The following SPMIP7 variants were observed in gnomAD, a reference collection of about 807,000 sequenced individuals.
The protein encoded by SPMIP7 is sperm microtubule inner protein 7, also known as protein SPMIP7.
chr7:50,123,926 C>T, the SPMIP7 span, among the ~76,000 whole-genome samples: 2 of 151,840 alleles, frequency 1.3e-5, no homozygotes, highest in Admixed American at 6.6e-5. Flanking sequence ...CTAAACATTC[C>T]AATTATAAGG....
the SPMIP7 span, among the ~76,000 whole-genome samples, chr7:50,138,682 T>C: frequency 1.3e-5 from 2 of 152,028 alleles, no homozygotes; most frequent in African/African-American, 4.8e-5. Context: ...TGATCGAAAA[T>C]CAATATCAAG....
the SPMIP7 span, among the ~76,000 whole-genome samples, chr7:50,143,798 C>CATA: frequency 6.6e-6 from 1 of 152,214 alleles, no homozygotes; most frequent in East Asian, 1.9e-4. Context: ...TTCCATCTGT[C>CATA]ATACACACTT....
chr7:50,134,077 C>T, the SPMIP7 span: 16 of 1,509,670 alleles, frequency 1.1e-5, no homozygotes, highest in African/African-American at 2.8e-5. Flanking sequence ...ATATGCTTTT[C>T]ATAAGATGTT....
At chr7:50,144,359 A>G in the SPMIP7 span, among the ~76,000 whole-genome samples, 1 of 152,196 alleles carries the variant, frequency 6.6e-6, no homozygotes, top group Non-Finnish European at 1.5e-5. Flanking sequence ...TGTGCAACAT[A>G]TATGTACAAG....
At chr7:50,126,828 G>A in the SPMIP7 span, among the ~76,000 whole-genome samples, 5 of 151,638 alleles carry the variant, frequency 3.3e-5, no homozygotes, top group Non-Finnish European at 7.4e-5. Flanking sequence ...TAATGAACAC[G>A]TATATTGAAC....
chr7:50,103,169 A>G, the SPMIP7 span, among the ~76,000 whole-genome samples: 2 of 151,524 alleles, frequency 1.3e-5, no homozygotes, highest in Non-Finnish European at 2.9e-5. Flanking sequence ...ACCTCTCACA[A>G]TGCATCTCTC....
the SPMIP7 span, chr7:50,104,304 G>C: frequency 6.9e-7 from 1 of 1,448,912 alleles, no homozygotes; most frequent in East Asian, 2.5e-5. Context: ...CGCTTTTTTT[G>C]TGTTTTCAGG....
chr7:50,155,760 A>G, the SPMIP7 span, among the ~76,000 whole-genome samples: 1 of 152,214 alleles, frequency 6.6e-6, no homozygotes, highest in African/African-American at 2.4e-5. Context: ...TCAGGCCCAT[A>G]GCTGACTCTT....
chr7:50,104,417 AT>A, the SPMIP7 span: 260 of 1,424,188 alleles, frequency 1.8e-4, no homozygotes, highest in Non-Finnish European at 2.2e-4. Context: ...GTACAGTAAG[AT>A]TTTCTTCTGG....
At chr7:50,151,611 C>A in the SPMIP7 span, 53 of 1,244,926 alleles carry the variant, frequency 4.3e-5, 1 homozygote, top group Admixed American at 1.2e-4. Flanking sequence ...AGGGGAAATC[C>A]TAATTGTGGT....
the SPMIP7 span, among the ~76,000 whole-genome samples, chr7:50,097,692 A>AAAC: frequency 3.3e-5 from 5 of 151,686 alleles, no homozygotes; most frequent in Non-Finnish European, 5.9e-5. Context: ...TTAAAAAAAA[A>AAAC]AAAAAACTCA....
At chr7:50,103,508 T>C in the SPMIP7 span, among the ~76,000 whole-genome samples, 2 of 152,240 alleles carry the variant, frequency 1.3e-5, no homozygotes, top group African/African-American at 4.8e-5. Context: ...ATTTCCTATC[T>C]ACCATTTTAC....
the SPMIP7 span, among the ~76,000 whole-genome samples, chr7:50,124,154 C>A: frequency 6.6e-6 from 1 of 151,956 alleles, no homozygotes; most frequent in African/African-American, 2.4e-5. Context: ...AGAGTCATGT[C>A]TTAGTTACAA....
chr7:50,130,439 C>T, the SPMIP7 span, among the ~76,000 whole-genome samples: 6 of 152,006 alleles, frequency 3.9e-5, no homozygotes, highest in South Asian at 2.1e-4. Context: ...ACCACGAGAA[C>T]GGTATGGGGG....
At chr7:50,152,473 G>C in the SPMIP7 span, among the ~76,000 whole-genome samples, 1 of 152,134 alleles carries the variant, frequency 6.6e-6, no homozygotes, top group Admixed American at 6.5e-5. Flanking sequence ...AGCACCTGAT[G>C]GAATTCCTGG....
At chr7:50,117,917 C>T in the SPMIP7 span, among the ~76,000 whole-genome samples, 1 of 152,198 alleles carries the variant, frequency 6.6e-6, no homozygotes, top group African/African-American at 2.4e-5. Context: ...AGTCTCCAAG[C>T]AAATGCACTC....
At chr7:50,142,520 C>G in the SPMIP7 span, 1 of 152,236 alleles carries the variant, frequency 6.6e-6, no homozygotes, top group Non-Finnish European at 1.5e-5. Flanking sequence ...ACTAGAGGGC[C>G]TCCAAGGTTG....
chr7:50,154,321 G>T, the SPMIP7 span, among the ~76,000 whole-genome samples: 1 of 152,082 alleles, frequency 6.6e-6, no homozygotes, highest in Non-Finnish European at 1.5e-5. Flanking sequence ...TCCTCATGAT[G>T]GATCTTATGT....
the SPMIP7 span, among the ~76,000 whole-genome samples, chr7:50,147,386 G>C: frequency 6.6e-6 from 1 of 152,172 alleles, no homozygotes. Flanking sequence ...TGCTGGCCAT[G>C]ATACTTAGAC....
Sources: allele counts gnomAD v4.1 joint callset (sites outside exome capture counted in the v4.1 genomes callset), GRCh38; gene constraint gnomAD v4.1.1; transcripts MANE v1.5; gene names NCBI Gene and HGNC (gene_info 2026-07-23, HGNC 2026-07-21).